DHRS2: variants seen among roughly 807,000 people sequenced by gnomAD.
The protein encoded by DHRS2 is dehydrogenase/reductase 2.
DHRS2 carries 29 observed loss-of-function variants against 26.3 expected under a neutral mutation model. The ratio of observed to expected loss-of-function variants is 1.10; its 90% CI spans 0.82 to 1.50. The LOEUF (loss-of-function observed/expected upper bound fraction) is 1.50. Among genes scored for constraint, DHRS2 ranks in the 40% most tolerant of loss-of-function variants. DHRS2 has a pLI of 0.00. For synonymous variants in DHRS2, 164 were observed against 151.3 expected, an observed-to-expected ratio of 1.08 and a Z score of -0.62; for missense variants, 439 against 367.1, an observed-to-expected ratio of 1.20 and a Z score of -1.60.
In DHRS2 at chr14:23,642,089, A is replaced by T. The variant is rs907327493; in HGVS notation, c.421-1063A>T. On this transcript the variant is annotated intron_variant, in intron 4 of 8. Transcript: ENST00000250383. ...TCAGGACATGTGTGACTTAGCCCAG[A>T]TTCAGACTTTAGTCACAAGCAGGAT... The T allele has an allele frequency of 2.8e-6, 3 of 1,061,964 alleles. No individual in the cohort carries two copies. The African/African-American group carries it at 5.0e-5, about 18-fold the overall frequency. 65.8% of individuals were successfully genotyped at this position (1,061,964 alleles called of 1,614,324 possible).
rs143798758 is a variant in DHRS2 at position 23,639,835 on chromosome 14, C to A, written c.360C>A (p.Ser120Arg). ...GGGGCGTCGACTTCCTGGTGTGCAGCGCAGGGGTCAACCCTCTGGTAGGGA... is the reference window on the plus strand; with the variant it reads ...GGGGCGTCGACTTCCTGGTGTGCAGAGCAGGGGTCAACCCTCTGGTAGGGA... The part of the protein sequence containing the change: ...HCGGVDFLVC[S>R]AGVNPLVGST... Residue 120 changes from serine (S) to arginine (R), a missense_variant, in exon 4 of 9, where the codon AGC becomes AGA. Ser to Arg is a moderately radical substitution (Grantham distance 110). Transcript: ENST00000250383. The A allele has an allele frequency of 1.2e-6, 2 of 1,610,532 alleles. No individual in the cohort carries two copies. The highest frequency in any genetic ancestry group is 3.3e-5 in the Admixed American group (2 of 59,754).
At chr14:23,644,738 G>T in intron 7 of DHRS2, 89 bp from the exon 8 acceptor site, 3 of 1,523,774 alleles carry the variant, frequency 2.0e-6, no homozygotes, top group African/African-American at 1.4e-5. Context: ...GGGCAAAGCT[G>T]CCCTAGGTGT....
intron 1 of DHRS2, among the ~76,000 whole-genome samples, chr14:23,637,069 C>T (rs1285403369): frequency 1.3e-5 from 2 of 152,146 alleles, no homozygotes; most frequent in South Asian, 2.1e-4. Context: ...AGTTGGTTGA[C>T]CCTGCGGCCA....
intron 3 of DHRS2, 149 bp downstream of exon 3, chr14:23,639,505 C>T (rs1890535296): frequency 1.6e-6 from 2 of 1,244,712 alleles, no homozygotes; most frequent in Non-Finnish European, 2.1e-6. Flanking sequence ...CCCAGAAGGT[C>T]CCTCAGGAAA....
Position 23,645,514 on chromosome 14 carries a change from G to A in DHRS2, c.*261G>A. On this transcript the variant is annotated 3_prime_UTR_variant, in exon 9 of 9. Coordinates refer to ENST00000250383, the MANE Select transcript of DHRS2 (RefSeq NM_005794.4). ...GGAGCTGAAGGATTTTATGGAGCTG[G>A]TGCTTTGGAGGAATCTTAAGGGAAA... The A allele has an allele frequency of 1.7e-6, 1 of 587,360 alleles. No homozygotes were observed. Among genetic ancestry groups the A allele is most frequent in the Non-Finnish European group, 2.9e-6 (1 of 349,074 alleles). The allele number at this position is 587,360 out of a possible 1,614,324, so 36.4% of individuals were successfully genotyped here.
Position 23,645,213 on chromosome 14 carries a change from G to A in DHRS2, c.803G>A (p.Gly268Glu). ...TCTCCAGATGCCAGCTACGTCAACG[G>A]GGAGAACATTGCGGTGGCAGGCTAC... is the stretch of plus-strand genomic sequence containing the variant. ...LCSPDASYVN[G>E]ENIAVAGYST... The change falls in exon 9 of 9, where the codon GGG becomes GAG. Residue 268 changes from glycine (G) to glutamate (E), a missense_variant. By Grantham distance (98) the Gly-to-Glu change is moderately conservative. Coordinates refer to ENST00000250383, the MANE Select transcript of DHRS2 (RefSeq NM_005794.4). The A allele has an allele frequency of 2.5e-6, 4 of 1,614,168 alleles. No individual in the cohort carries two copies. Among genetic ancestry groups the A allele is most frequent in the Non-Finnish European group, 3.4e-6 (4 of 1,180,046 alleles).
chr14:23,639,159 C>T lies in DHRS2; in HGVS notation c.141-20C>T, dbSNP rs754678449. 9 of 1,609,948 alleles carry T rather than the reference C, an allele frequency of 5.6e-6. No homozygotes were observed. Among genetic ancestry groups the T allele is most frequent in the South Asian group, 1.1e-5 (1 of 90,362 alleles). On this transcript the variant is annotated intron_variant, in intron 2 of 8. Coordinates refer to ENST00000250383, the MANE Select transcript of DHRS2 (RefSeq NM_005794.4). ...GGAGAGAGGCTGAGGCTGACTTTTG[C>T]CCTCCATCTCTGCATTCAGGATCGG...
intron 5 of DHRS2, chr14:23,643,836 C>T (rs756400166): frequency 6.1e-6 from 3 of 491,354 alleles, no homozygotes; most frequent in South Asian, 2.2e-5. Context: ...CCACCCTGCC[C>T]TCTCCTTCAA....
intron 4 of DHRS2, chr14:23,640,400 G>T: frequency 4.1e-6 from 4 of 985,500 alleles, no homozygotes; most frequent in Non-Finnish European, 4.8e-6. Flanking sequence ...CCAGCCATCA[G>T]CATTCCGGGG....
At chr14:23,639,944 G>C in intron 4 of DHRS2, 49 bp downstream of exon 4, 2 of 1,441,658 alleles carry the variant, frequency 1.4e-6, no homozygotes, top group Non-Finnish European at 1.8e-6. Context: ...TTCCAGCTCT[G>C]CACTGGGCTC....
chr14:23,645,037 T>C (rs1890820366), intron 8 of DHRS2, 105 bp from the exon 9 acceptor site: 2 of 1,582,464 alleles, frequency 1.3e-6, no homozygotes, highest in African/African-American at 1.3e-5. Context: ...CCCTGCTGCA[T>C]CCACCTTGTT....
At chr14:23,643,691 G>C (rs1288975659) in intron 5 of DHRS2, 1 of 290,996 alleles carries the variant, frequency 3.4e-6, no homozygotes, top group African/African-American at 2.1e-5. Context: ...ACACCCTTAG[G>C]AACTGGCCAG....
At chr14:23,636,990 C>T (rs890812839) in intron 1 of DHRS2, among the ~76,000 whole-genome samples, 5 of 152,160 alleles carry the variant, frequency 3.3e-5, no homozygotes, top group Admixed American at 2.0e-4. Flanking sequence ...TTCCGCTTTT[C>T]CTGTACTTCT....
intron 1 of DHRS2, among the ~76,000 whole-genome samples, chr14:23,637,791 CTG>C (rs1195791798): frequency 6.6e-6 from 1 of 152,176 alleles, no homozygotes; most frequent in Admixed American, 6.5e-5. Context: ...AATCAGCACT[CTG>C]TGTCTAGCTA....
At chr14:23,639,695 C>A in intron 3 of DHRS2, 99 bp from the exon 4 acceptor site, 2 of 1,302,416 alleles carry the variant, frequency 1.5e-6, no homozygotes, top group East Asian at 2.7e-5. Context: ...CCTTTAGGAG[C>A]TCTGCAAGCT....
chr14:23,635,023 T>C (rs940808380), upstream of DHRS2, among the ~76,000 whole-genome samples: 1 of 152,144 alleles, frequency 6.6e-6, no homozygotes, highest in Non-Finnish European at 1.5e-5. Flanking sequence ...GAATTGTGAG[T>C]CAATTAAACC....
intron 4 of DHRS2, chr14:23,641,401 A>T: frequency 3.4e-6 from 1 of 297,966 alleles, no homozygotes; most frequent in Admixed American, 4.8e-5. Flanking sequence ...TTTCAGGCTC[A>T]TGGATAGTTC....
rs11846108 is a variant in DHRS2, at chr14:23,644,733, A to T, written c.676-94A>T. ...GATGCTCCTTCTTTTGAGAAGGGCA[A>T]AGCTGCCCTAGGTGTTCTGCCTGGT... is the stretch of plus-strand genomic sequence containing the variant. On this transcript the variant is annotated intron_variant, in intron 7 of 8. Transcript: ENST00000250383. The T allele has an allele frequency of 5.3e-3, 8,033 of 1,507,904 alleles. 377 individuals carry two copies. In the African/African-American group the frequency reaches 0.097, roughly 18 times the overall value. The allele number at this position is 1,507,904 out of a possible 1,614,324, so 93.4% of individuals were successfully genotyped here.
Position 23,645,169 on chromosome 14 carries a change from A to T in DHRS2, c.759A>T (p.Gly253=), listed in dbSNP as rs1330962265. 5 of 1,614,092 alleles carry T rather than the reference A, an allele frequency of 3.1e-6. 1 individual carries two copies. In the South Asian group the frequency reaches 5.5e-5, roughly 18 times the overall value. Residue 253 remains glycine (G), a synonymous_variant, in exon 9 of 9, where the codon GGA becomes GGT. Transcript: ENST00000250383. ...QRIGESEDCA[G]IVSFLCSPDA... is the part of the protein sequence containing the mutation. ...TTGGGGAGTCAGAGGACTGTGCAGG[A>T]ATCGTGTCCTTCCTGTGCTCTCCAG...
Sources: gnomAD v4.1 joint callset for allele counts (sites outside exome capture counted in the v4.1 genomes callset) on GRCh38, gnomAD v4.1.1 for gene constraint, MANE v1.5 for transcripts, NCBI Gene and HGNC (gene_info 2026-07-23, HGNC 2026-07-21) for gene names.